Variants in ABCA3 observed in about 807,000 individuals in gnomAD.
ABCA3 encodes the protein ATP binding cassette subfamily A member 3, also known as phospholipid-transporting ATPase ABCA3.
Under a neutral mutation model 172.8 loss-of-function variants are expected in ABCA3, and 88 were observed. The ratio of observed to expected loss-of-function variants is 0.51; its 90% CI spans 0.43 to 0.61. The LOEUF is 0.61. ABCA3 is among the 20% of genes least tolerant of loss of function. The pLI is 0.00. For synonymous variants in ABCA3, 1,066 were observed against 983.8 expected, an observed-to-expected ratio of 1.08 and a Z score of -1.56; for missense variants, 2,164 against 2,301.0, an observed-to-expected ratio of 0.94 and a Z score of 1.22.
At position 2,298,532 on chromosome 16, in the gene ABCA3, G is replaced by C; in HGVS notation, c.1750C>G (p.Pro584Ala). ...TTLSMLTGLF[P>A]PTSGRAYISG... is the part of the protein sequence containing the mutation. ...ATGTATGCCCGTCCACTGGTGGGGG[G>C]AAAGAGACCTGGGGCCCAGCAGGAG... is the stretch of plus-strand genomic sequence containing the variant. The change falls in exon 15 of 33, where the codon CCC becomes GCC. Residue 584 changes from proline to alanine, a missense_variant. Transcript: ENST00000301732. 1 of 1,613,462 alleles carries C rather than the reference G, an allele frequency of 6.2e-7. No homozygotes were observed. The highest frequency in any genetic ancestry group is 8.5e-7 in the Non-Finnish European group (1 of 1,180,010).
chr16:2,307,731 G>A (rs751725317), intron 11 of ABCA3, among the ~76,000 whole-genome samples: 3 of 152,018 alleles, frequency 2.0e-5, no homozygotes, highest in East Asian at 3.9e-4. Flanking sequence ...TCAGCCTCTC[G>A]AGTAGCTGGG....
At chr16:2,311,604 C>A (rs775875820) in intron 10 of ABCA3, among the ~76,000 whole-genome samples, 24 of 152,116 alleles carry the variant, frequency 1.6e-4, no homozygotes, top group Non-Finnish European at 2.8e-4. Context: ...CTCAATGCAA[C>A]CTCCGACTCC....
rs528039843 is a variant in ABCA3 at position 2,287,820 on chromosome 16, G to A, written c.3004+206C>T. Reference sequence around the variant, plus strand: ...ACTCAGTGCCGTGATCTGCCACCCAGGGGACATCCGCAATGTTTCCAGGCA... The same window carrying A: ...ACTCAGTGCCGTGATCTGCCACCCAAGGGACATCCGCAATGTTTCCAGGCA... On this transcript the variant is annotated intron_variant, in intron 21 of 32. Transcript: ENST00000301732. This position sits in a 1 kb window ranked among gnomAD's most constrained non-coding sequence, Gnocchi z 4.1. Among the ~76,000 whole-genome samples, 38 of 152,338 alleles carry A rather than the reference G, an allele frequency of 2.5e-4. No homozygotes were observed. The highest frequency in any genetic ancestry group is 5.2e-4 in the Admixed American group (8 of 15,304).
chr16:2,304,624 A>T (rs1314511601), intron 11 of ABCA3, among the ~76,000 whole-genome samples: 2 of 144,970 alleles, frequency 1.4e-5, no homozygotes, highest in Non-Finnish European at 1.5e-5. Flanking sequence ...CTCCTGTCTC[A>T]GCCTTCCAAG....
chr16:2,289,407 C>T lies in ABCA3; in HGVS notation c.2700+27G>A, dbSNP rs112405991. 23 of 1,556,474 alleles carry T rather than the reference C, an allele frequency of 1.5e-5. No individual in the cohort carries two copies. In the African/African-American group the frequency reaches 1.9e-4, roughly 13 times the overall value. On this transcript the variant is annotated intron_variant, in intron 20 of 32. Coordinates refer to ENST00000301732, the MANE Select transcript of ABCA3 (RefSeq NM_001089.3). ...TGGGGGCTGCTCGCCCTTCCCCCGC[C>T]ACCCGCCCACCCACCTGGGCACTCA... is the stretch of plus-strand genomic sequence containing the variant.
chr16:2,290,312 T>C (rs2093670070), intron 19 of ABCA3, among the ~76,000 whole-genome samples: 1 of 152,220 alleles, frequency 6.6e-6, no homozygotes, highest in Non-Finnish European at 1.5e-5. Context: ...GCCCATGGTC[T>C]GAGCTCCGGT....
At chr16:2,295,531 G>A in intron 18 of ABCA3, 59 bp downstream of exon 18, 3 of 1,601,912 alleles carry the variant, frequency 1.9e-6, no homozygotes, top group Non-Finnish European at 1.7e-6. Context: ...AAGCCCTCAT[G>A]GCCCATGGGG....
At chr16:2,280,970 G>T (rs1488705878) in intron 28 of ABCA3, 57 bp downstream of exon 28, 1 of 1,609,374 alleles carries the variant, frequency 6.2e-7, no homozygotes, top group African/African-American at 1.3e-5. Flanking sequence ...TGCCTCCAGG[G>T]TGCCCCCTCC....
chr16:2,276,349 A>AT lies in ABCA3; in HGVS notation c.*324dup, dbSNP rs1567334803. 2.0e-6 allele frequency: 1 copy of AT among 504,344 alleles called. No individual in the cohort carries two copies. The highest frequency in any genetic ancestry group is 5.3e-5 in the East Asian group (1 of 18,726). 31.2% of individuals were successfully genotyped at this position (504,344 alleles called of 1,614,324 possible). The stretch of plus-strand genomic sequence containing the variant: ...CTCTCTCCAGGGAGTGCCTGGAGAA[A>AT]TTCAACCCCCAGCTCAGCTGCAGCC... On this transcript the variant is annotated 3_prime_UTR_variant, in exon 33 of 33. Transcript: ENST00000301732.
intron 10 of ABCA3, among the ~76,000 whole-genome samples, chr16:2,310,556 G>T (rs114031771): frequency 7.1e-6 from 1 of 141,136 alleles, no homozygotes; most frequent in Non-Finnish European, 1.5e-5. Flanking sequence ...TCATACTATC[G>T]CCCAGGATGG....
chr16:2,334,455 T>C (rs1015365553), intron 1 of ABCA3, among the ~76,000 whole-genome samples: 6 of 152,046 alleles, frequency 3.9e-5, no homozygotes, highest in Non-Finnish European at 5.9e-5. Context: ...GGGTACACAG[T>C]AAATATTTGA....
In ABCA3 at chr16:2,283,079, G is replaced by A. The variant is rs2093657451; in HGVS notation, c.4035+107C>T. The A allele has an allele frequency of 7.8e-7, 1 of 1,276,340 alleles. No individual in the cohort carries two copies. The highest frequency in any genetic ancestry group is 2.0e-5 in the Admixed American group (1 of 50,642). 79.1% of individuals were successfully genotyped at this position (1,276,340 alleles called of 1,614,324 possible). A position where few individuals can be genotyped will look rare whatever the true frequency, so the allele number is the denominator to read the frequency against. On this transcript the variant is annotated intron_variant, in intron 26 of 32. Coordinates refer to ENST00000301732, the MANE Select transcript of ABCA3 (RefSeq NM_001089.3). This position sits in a 1 kb window ranked among gnomAD's most constrained non-coding sequence, Gnocchi z 5.4. ...GTACAGTGGGAGACCATCTGGTGCA[G>A]GAGCTGCCTGGTGGAGAAGGAGGTG...
intron 12 of ABCA3, among the ~76,000 whole-genome samples, chr16:2,300,691 C>CCTCG (rs1464168819): frequency 3.9e-5 from 6 of 152,238 alleles, no homozygotes; most frequent in African/African-American, 1.2e-4. Context: ...ACACCTCACA[C>CCTCG]AGTGCCCTCG....
chr16:2,321,615 G>C (rs1389232953), intron 7 of ABCA3, among the ~76,000 whole-genome samples: 1 of 152,046 alleles, frequency 6.6e-6, no homozygotes, highest in African/African-American at 2.4e-5. Context: ...GCCTAGTCCT[G>C]GGTCCGAGTC....
In ABCA3 at chr16:2,299,524, C is replaced by A. The variant is rs566551989; in HGVS notation, c.1620G>T (p.Arg540Ser). ...CGGCCGCCCTGTCCTTATTTCCCAC[C>A]CTGAACACCTGCAGGAAAGGCAGAG... is the stretch of plus-strand genomic sequence containing the variant. ...IKIKHLSKVF[R>S]VGNKDRAAVR... is the part of the protein sequence containing the mutation. The change falls in exon 14 of 33, where the codon AGG becomes AGT. Residue 540 changes from arginine to serine, a missense_variant. Transcript: ENST00000301732. The A allele has an allele frequency of 8.1e-6, 13 of 1,613,268 alleles. No individual in the cohort carries two copies. The highest frequency in any genetic ancestry group is 1.3e-5 in the African/African-American group (1 of 74,924).
Position 2,288,196 on chromosome 16 carries a change from T to G in ABCA3, c.2834A>C (p.Asn945Thr). Residue 945 changes from asparagine to threonine, a missense_variant, in exon 21 of 33, where the codon AAC (asparagine) becomes ACC (threonine). Physicochemically the swap from Asn to Thr is moderately conservative, Grantham distance 65. Transcript: ENST00000301732. Reference sequence around the variant, plus strand: ...GTCGTCGAAGAGCTCCGAGGAGTAGTTGATGGCCAGGAGGGCCAGGGTGAC... The same window carrying G: ...GTCGTCGAAGAGCTCCGAGGAGTAGGTGATGGCCAGGAGGGCCAGGGTGAC... ...TCVTLALLAI[N>T]YSSELFDDPM... 1 of 1,603,690 alleles carries G rather than the reference T, an allele frequency of 6.2e-7. No individual in the cohort carries two copies. The highest frequency in any genetic ancestry group is 8.5e-7 in the Non-Finnish European group (1 of 1,175,044).
intron 1 of ABCA3, among the ~76,000 whole-genome samples, chr16:2,332,895 C>G (rs2093745775): frequency 6.6e-6 from 1 of 152,100 alleles, no homozygotes; most frequent in African/African-American, 2.4e-5. Context: ...CAGCCTGGTG[C>G]TCCTGGGCTC....
intron 32 of ABCA3, 39 bp from the exon 33 acceptor site, chr16:2,276,844 G>A: frequency 6.2e-7 from 1 of 1,612,440 alleles, no homozygotes; most frequent in Non-Finnish European, 8.5e-7. Flanking sequence ...GAGAGAACAG[G>A]GCCCAGGCTC....
chr16:2,319,655 G>A lies in ABCA3; in HGVS notation c.799C>T (p.Leu267=). 3 of 1,613,868 alleles carry A rather than the reference G, an allele frequency of 1.9e-6. No individual in the cohort carries two copies. Among genetic ancestry groups the A allele is most frequent in the African/African-American group, 1.3e-5 (1 of 75,022 alleles). Residue 267 remains leucine (L), a synonymous_variant, in exon 8 of 33, where the codon CTG becomes TTG. Coordinates refer to ENST00000301732, the MANE Select transcript of ABCA3 (RefSeq NM_001089.3). ...GCGGTGTAGGTGAAGCTGAGCAGCA[G>A]CAGCAGGGGCAGCTGGTACTGGATG... ...VAIQYQLPLL[L]LLSFTYTALT...
Sources: gnomAD v4.1 joint callset for allele counts (sites outside exome capture counted in the v4.1 genomes callset) on GRCh38, gnomAD v4.1.1 for gene constraint, Gnocchi (gnomAD v3.1) non-coding constraint, MANE v1.5 for transcripts, NCBI Gene and HGNC (gene_info 2026-07-23, HGNC 2026-07-21) for gene names.